The following CMIP variants were observed in gnomAD, a reference collection of about 807,000 sequenced individuals.
CMIP encodes the protein C-Maf-inducing protein.
In CMIP, 13 loss-of-function variants were observed where a neutral mutation model predicts 97.3. The observed-to-expected ratio is 0.13, with a 90% CI of 0.09 to 0.21. The LOEUF (loss-of-function observed/expected upper bound fraction) is 0.21. Among genes scored for constraint, CMIP ranks in the 10% least tolerant of loss-of-function variants. The pLI is 1.00. For missense variants in CMIP, 847 were observed against 1,024.9 expected (o/e 0.83, Z 2.37); for synonymous variants, 538 against 436.3 (o/e 1.23, Z -2.91).
chr16:81,518,015 A>C, intron 1 of CMIP: 20 of 476,614 alleles, frequency 4.2e-5, no homozygotes, highest in Non-Finnish European at 4.9e-5. Context: ...TGCACTTCTC[A>C]TGCCCCCATG....
At chr16:81,464,285 G>C (rs544810650) in intron 1 of CMIP, 9 of 152,376 alleles carry the variant, frequency 5.9e-5, no homozygotes, top group African/African-American at 2.2e-4. Flanking sequence ...AATTAGCTGT[G>C]AGACTGAAGA....
intron 3 of CMIP, among the ~76,000 whole-genome samples, chr16:81,626,783 G>T: frequency 1.2e-5 from 1 of 80,790 alleles, no homozygotes; most frequent in South Asian, 4.5e-4. Flanking sequence ...GACAGAGAGA[G>T]AGAGAGTGTG....
At chr16:81,659,509 G>C (rs755018537) in intron 5 of CMIP, among the ~76,000 whole-genome samples, 1 of 152,150 alleles carries the variant, frequency 6.6e-6, no homozygotes, top group Admixed American at 6.5e-5. Context: ...AGCTGGGGAA[G>C]GCAGTTCAGG....
chr16:81,544,173 C>T (rs187577471), intron 1 of CMIP, among the ~76,000 whole-genome samples: 48 of 152,364 alleles, frequency 3.2e-4, no homozygotes, highest in Non-Finnish European at 5.1e-4. Flanking sequence ...GTTCCACATG[C>T]ACCTAGTGCA....
At chr16:81,563,329 C>T (rs1469740214) in intron 1 of CMIP, among the ~76,000 whole-genome samples, 1 of 152,240 alleles carries the variant, frequency 6.6e-6, no homozygotes, top group African/African-American at 2.4e-5. Context: ...AGTTCAAATC[C>T]CAGCTCTGCC....
intron 10 of CMIP, among the ~76,000 whole-genome samples, chr16:81,680,753 G>T (rs900991704): frequency 6.6e-6 from 1 of 152,220 alleles, no homozygotes; most frequent in African/African-American, 2.4e-5. Flanking sequence ...CCTGGATTTT[G>T]GAGGGGGCTC....
chr16:81,547,393 C>T (rs976970215), intron 1 of CMIP, among the ~76,000 whole-genome samples: 1 of 152,184 alleles, frequency 6.6e-6, no homozygotes, highest in Non-Finnish European at 1.5e-5. Context: ...TCCAGGCTCC[C>T]TGCTGGCCCT....
chr16:81,646,562 T>G (rs569962887), intron 3 of CMIP, among the ~76,000 whole-genome samples: 53 of 152,242 alleles, frequency 3.5e-4, no homozygotes, highest in Admixed American at 1.1e-3. Flanking sequence ...TATAAAGTTG[T>G]ACAGTCATCA....
intron 1 of CMIP, among the ~76,000 whole-genome samples, chr16:81,552,790 GA>G (rs146095810): frequency 6.5e-4 from 99 of 152,298 alleles, no homozygotes; most frequent in African/African-American, 2.3e-3. Context: ...TCCTTAGTGG[GA>G]GAAGCCAGGC....
intron 1 of CMIP, among the ~76,000 whole-genome samples, chr16:81,467,706 G>C (rs998290812): frequency 6.6e-6 from 1 of 150,464 alleles, no homozygotes; most frequent in African/African-American, 2.5e-5. Flanking sequence ...TCTACCTCTC[G>C]AGTAGCTGGG....
In CMIP at chr16:81,453,189, T is replaced by A. The variant is rs1906341133; in HGVS notation, c.300+7648T>A. Among the ~76,000 whole-genome samples, 1 of 152,206 alleles carries A rather than the reference T, an allele frequency of 6.6e-6. No individual in the cohort carries two copies. The highest frequency in any genetic ancestry group is 2.4e-5 in the African/African-American group (1 of 41,454). On this transcript the variant is annotated intron_variant, in intron 1 of 20. Coordinates refer to ENST00000537098, the MANE Select transcript of CMIP (RefSeq NM_198390.3). This position sits in a 1 kb window ranked among gnomAD's most constrained non-coding sequence, Gnocchi z 4.0. ...AGACTCCTGCCTTCCCATGGCATCC[T>A]TTGTTCGTGGCTCTACTGCTTTCAA...
chr16:81,481,796 C>T (rs777077706), intron 1 of CMIP, among the ~76,000 whole-genome samples: 2 of 151,940 alleles, frequency 1.3e-5, no homozygotes, highest in Non-Finnish European at 2.9e-5. Flanking sequence ...AGAGGCTGCT[C>T]GCATTCCTTC....
At chr16:81,595,948 A>G (rs2091548426) in intron 1 of CMIP, among the ~76,000 whole-genome samples, 1 of 152,150 alleles carries the variant, frequency 6.6e-6, no homozygotes, top group African/African-American at 2.4e-5. Context: ...AGAACTACCA[A>G]ACTATTTTAC....
chr16:81,591,967 G>A (rs2091473276), intron 1 of CMIP, among the ~76,000 whole-genome samples: 1 of 151,620 alleles, frequency 6.6e-6, no homozygotes, highest in African/African-American at 2.4e-5. Context: ...GGGATTACAG[G>A]CGCCTGCCAC....
At chr16:81,525,815 G>C (rs2090120461) in intron 1 of CMIP, among the ~76,000 whole-genome samples, 1 of 152,180 alleles carries the variant, frequency 6.6e-6, no homozygotes, top group Non-Finnish European at 1.5e-5. Context: ...TCTGCTTTCT[G>C]TGTGTATGCA....
At chr16:81,574,421 T>C (rs1415947769) in intron 1 of CMIP, among the ~76,000 whole-genome samples, 2 of 152,244 alleles carry the variant, frequency 1.3e-5, no homozygotes, top group Non-Finnish European at 2.9e-5. Flanking sequence ...GGCACTGTTT[T>C]CTCAGCAGGA....
intron 9 of CMIP, among the ~76,000 whole-genome samples, chr16:81,675,812 G>C (rs1904298837): frequency 6.6e-6 from 1 of 152,180 alleles, no homozygotes; most frequent in African/African-American, 2.4e-5. Context: ...TGGTGCCTGG[G>C]ACTCTCTAGG....
chr16:81,449,663 C>T (rs1255756995), intron 1 of CMIP, among the ~76,000 whole-genome samples: 6 of 114,868 alleles, frequency 5.2e-5, no homozygotes, highest in Non-Finnish European at 1.0e-4. Flanking sequence ...AGTAAACACA[C>T]AGATTTCCCC....
chr16:81,591,000 A>G (rs1242759252), intron 1 of CMIP, among the ~76,000 whole-genome samples: 1 of 152,264 alleles, frequency 6.6e-6, no homozygotes, highest in Non-Finnish European at 1.5e-5. Context: ...ACACCACAAC[A>G]GCACTGCTGA....
Sources: gnomAD v4.1 joint callset for allele counts (sites outside exome capture counted in the v4.1 genomes callset) on GRCh38, gnomAD v4.1.1 for gene constraint, Gnocchi (gnomAD v3.1) non-coding constraint, MANE v1.5 for transcripts, NCBI Gene and HGNC (gene_info 2026-07-23, HGNC 2026-07-21) for gene names.